The following KIAA1217 variants were observed in gnomAD, a reference collection of about 807,000 sequenced individuals.
KIAA1217 encodes the protein KIAA1217, also known as sickle tail protein homolog.
KIAA1217 carries 88 observed loss-of-function variants against 163.9 expected under a neutral mutation model. That is an observed-to-expected ratio of 0.54 (90% CI 0.45 to 0.64). KIAA1217 has a LOEUF of 0.64. Among genes scored for constraint, KIAA1217 ranks in the 30% least tolerant of loss-of-function variants. The pLI is 0.00. For missense variants in KIAA1217, 2,372 were observed against 2,475.0 expected, an observed-to-expected ratio of 0.96 and a Z score of 0.88; for synonymous variants, 903 against 923.1, an observed-to-expected ratio of 0.98 and a Z score of 0.39.
intron 1 of KIAA1217, among the ~76,000 whole-genome samples, chr10:23,995,450 C>CTGTGTGTGTGTGTG (rs58865993): frequency 2.7e-5 from 4 of 147,724 alleles, no homozygotes; most frequent in African/African-American, 1.0e-4. Context: ...CAATTATGGC[C>CTGTGTGTGTGTGTG]TGTGTGTGTG....
intron 2 of KIAA1217, among the ~76,000 whole-genome samples, chr10:24,311,356 C>A (rs191136649): frequency 1.3e-5 from 2 of 152,166 alleles, no homozygotes; most frequent in African/African-American, 4.8e-5. Flanking sequence ...GGGTGGTGAA[C>A]GGGTCCTCGC....
At chr10:24,502,075 A>G (rs185156450) in intron 9 of KIAA1217, among the ~76,000 whole-genome samples, 36 of 151,964 alleles carry the variant, frequency 2.4e-4, no homozygotes, top group African/African-American at 8.2e-4. Flanking sequence ...AGCTGTGCGT[A>G]CTTTTACGCA....
In KIAA1217 at chr10:24,547,241, A is replaced by T. The variant is rs766922385; in HGVS notation, c.*917A>T. 19 of 152,532 alleles carry T rather than the reference A, an allele frequency of 1.2e-4. No homozygotes were observed. The highest frequency in any genetic ancestry group is 2.6e-4 in the Non-Finnish European group (18 of 68,024). 9.4% of individuals were successfully genotyped at this position (152,532 alleles called of 1,614,324 possible). A position where few individuals can be genotyped will look rare whatever the true frequency, so the allele number is the denominator to read the frequency against. ...TTTGTAAATATATAAATATACATAG[A>T]CATAAAAATACTGTATGTGACAGCA... is the stretch of plus-strand genomic sequence containing the variant. On this transcript the variant is annotated 3_prime_UTR_variant, in exon 21 of 21. Coordinates refer to ENST00000376454, the MANE Select transcript of KIAA1217 (RefSeq NM_019590.5).
chr10:24,382,283 G>A (rs2053418729), intron 3 of KIAA1217, among the ~76,000 whole-genome samples: 2 of 152,010 alleles, frequency 1.3e-5, no homozygotes. Flanking sequence ...AAAGACAGCT[G>A]AACTCTGCCA....
chr10:24,450,746 T>C (rs953446134), intron 5 of KIAA1217, among the ~76,000 whole-genome samples: 3 of 152,182 alleles, frequency 2.0e-5, no homozygotes, highest in Non-Finnish European at 4.4e-5. Context: ...ATTTTAAGTT[T>C]GGAAAACCAA....
At chr10:24,336,167 G>A (rs1156376625) in intron 2 of KIAA1217, among the ~76,000 whole-genome samples, 2 of 152,238 alleles carry the variant, frequency 1.3e-5, no homozygotes, top group East Asian at 3.9e-4. Context: ...TCGTGAACAT[G>A]GGGAGGTGGA....
chr10:23,833,383 T>C (rs1564460525), intron 1 of KIAA1217, among the ~76,000 whole-genome samples: 1 of 151,506 alleles, frequency 6.6e-6, no homozygotes, highest in Non-Finnish European at 1.5e-5. Flanking sequence ...CTCAGGAGGC[T>C]GAGGCAGGAG....
In KIAA1217 at chr10:24,533,165, T is replaced by A; in HGVS notation, c.3342T>A (p.Pro1114=). The A allele has an allele frequency of 1.2e-6, 2 of 1,613,688 alleles. No homozygotes were observed. The highest frequency in any genetic ancestry group is 8.5e-7 in the Non-Finnish European group (1 of 1,179,894). ...CAGCCTGGACCCCATCCCCACCGCCTGTCACCACCTCCTCCTCAAAGGATG... is the reference window on the plus strand; with the variant it reads ...CAGCCTGGACCCCATCCCCACCGCCAGTCACCACCTCCTCCTCAAAGGATG... ...PASAWTPSPP[P]VTTSSSKDEE... is the part of the protein sequence containing the mutation. Residue 1114 remains proline, a synonymous_variant, in exon 16 of 21, where the codon CCT becomes CCA. Transcript: ENST00000376454.
intron 1 of KIAA1217, among the ~76,000 whole-genome samples, chr10:23,922,046 C>A (rs1341596363): frequency 6.6e-6 from 1 of 152,012 alleles, no homozygotes; most frequent in Non-Finnish European, 1.5e-5. Flanking sequence ...TTTCACCCCC[C>A]ACCCCCCACC....
intron 2 of KIAA1217, among the ~76,000 whole-genome samples, chr10:24,101,286 A>C (rs573166238): frequency 2.6e-5 from 4 of 152,360 alleles, no homozygotes; most frequent in African/African-American, 9.6e-5. Flanking sequence ...CGGTATTGGC[A>C]CAAGTTTCAT....
intron 1 of KIAA1217, among the ~76,000 whole-genome samples, chr10:24,217,491 GAATT>G (rs766751860): frequency 6.6e-5 from 10 of 152,158 alleles, no homozygotes; most frequent in Non-Finnish European, 1.5e-4. Flanking sequence ...TAAACAAGAA[GAATT>G]ATTCCCAGAA....
chr10:24,258,801 G>A (rs986026166), intron 2 of KIAA1217, among the ~76,000 whole-genome samples: 4 of 152,028 alleles, frequency 2.6e-5, no homozygotes, highest in African/African-American at 9.7e-5. Context: ...CACCGTGTTA[G>A]CCAGGATGGT....
intron 16 of KIAA1217, among the ~76,000 whole-genome samples, chr10:24,533,971 A>G (rs968089195): frequency 6.6e-6 from 1 of 152,192 alleles, no homozygotes; most frequent in Non-Finnish European, 1.5e-5. Context: ...CAATTCCTAG[A>G]ACAAACTTTG....
chr10:24,184,792 T>G (rs1409304258), intron 2 of KIAA1217, among the ~76,000 whole-genome samples: 1 of 152,204 alleles, frequency 6.6e-6, no homozygotes, highest in East Asian at 1.9e-4. Context: ...TCTGCCAGAT[T>G]TTTGGCTCTG....
At chr10:24,183,688 G>A (rs567861967) in intron 2 of KIAA1217, among the ~76,000 whole-genome samples, 5 of 152,212 alleles carry the variant, frequency 3.3e-5, no homozygotes, top group East Asian at 3.9e-4. Flanking sequence ...TCTTAGCAGC[G>A]GGGAACTCCC....
At position 23,934,627 on chromosome 10, in the gene KIAA1217, T is replaced by A. The variant is rs866586561; in HGVS notation, c.-320-72598T>A. ...TATATGTATATATATATATATATAT[T>A]TTTTTTTTGAGACGGAGTCTCGCTC... On this transcript the variant is annotated intron_variant, in intron 1 of 18. Coordinates refer to the KIAA1217 transcript ENST00000376462. Among the ~76,000 whole-genome samples the A allele has an allele frequency of 5.0e-3, 508 of 101,154 alleles. 27 individuals carry two copies. Among genetic ancestry groups the A allele is most frequent in the South Asian group, 0.018 (63 of 3,594 alleles). The allele number at this position is 101,154 out of a possible 152,430, so 66.4% of individuals were successfully genotyped here. A position where few individuals can be genotyped will look rare whatever the true frequency, so the allele number is the denominator to read the frequency against.
chr10:24,390,762 G>A (rs905576861), intron 3 of KIAA1217, among the ~76,000 whole-genome samples: 4 of 152,132 alleles, frequency 2.6e-5, no homozygotes, highest in Admixed American at 6.6e-5. Context: ...CCATTGTAAG[G>A]AATATGTCAA....
chr10:24,249,259 CT>C (rs2074205881), intron 2 of KIAA1217, among the ~76,000 whole-genome samples: 1 of 152,112 alleles, frequency 6.6e-6, no homozygotes, highest in Admixed American at 6.6e-5. Context: ...TAAACGTCCC[CT>C]AATGCAGTGT....
chr10:24,340,030 G>C (rs961161005), intron 2 of KIAA1217, among the ~76,000 whole-genome samples: 1 of 152,200 alleles, frequency 6.6e-6, no homozygotes, highest in Admixed American at 6.5e-5. Context: ...TGCAGGCTGT[G>C]TGGTTCTGTG....
Sources: gnomAD v4.1 joint callset for allele counts (sites outside exome capture counted in the v4.1 genomes callset) on GRCh38, gnomAD v4.1.1 for gene constraint, MANE v1.5 for transcripts, NCBI Gene and HGNC (gene_info 2026-07-23, HGNC 2026-07-21) for gene names.